IL10RB: variants seen among roughly 807,000 people sequenced by gnomAD.
The protein encoded by IL10RB is interleukin-10 receptor subunit beta.
In IL10RB, 30 loss-of-function variants were observed where a neutral mutation model predicts 38.7. The ratio of observed to expected loss-of-function variants is 0.78; its 90% CI spans 0.58 to 1.05. IL10RB has a LOEUF of 1.05. Ranked by LOEUF, IL10RB falls within the 50% of genes least tolerant of loss-of-function variation. IL10RB has a pLI of 0.00. For missense variants in IL10RB, 328 were observed against 397.1 expected (o/e 0.83, Z 1.48); for synonymous variants, 142 against 145.9 (o/e 0.97, Z 0.19).
intron 2 of IL10RB, among the ~76,000 whole-genome samples, chr21:33,273,172 G>A (rs970567377): frequency 6.6e-6 from 1 of 152,178 alleles, no homozygotes. Flanking sequence ...GCCCCAGGCT[G>A]TAAACCTGTA....
intron 1 of IL10RB, chr21:33,267,950 C>A: frequency 3.6e-6 from 1 of 281,570 alleles, no homozygotes; most frequent in African/African-American, 2.2e-5. Context: ...TCCAGCATCT[C>A]CAACCTAATG....
chr21:33,279,659 G>A (rs549243245), intron 3 of IL10RB, 93 bp from the exon 4 acceptor site: 26 of 1,060,998 alleles, frequency 2.5e-5, no homozygotes, highest in African/African-American at 1.2e-4. Context: ...GTGTACTTCC[G>A]TGGACTAATT....
intron 2 of IL10RB, among the ~76,000 whole-genome samples, chr21:33,269,954 G>A (rs1368148433): frequency 2.6e-5 from 4 of 151,998 alleles, no homozygotes; most frequent in African/African-American, 4.8e-5. Flanking sequence ...CACCACGCCC[G>A]GCCCAGGTTC....
chr21:33,275,983 T>C (rs1989162707), intron 2 of IL10RB, among the ~76,000 whole-genome samples: 1 of 152,224 alleles, frequency 6.6e-6, no homozygotes. Flanking sequence ...TTTTGAAATA[T>C]TGCGAGAATT....
intron 1 of IL10RB, among the ~76,000 whole-genome samples, chr21:33,303,318 G>A (rs1045806929): frequency 1.3e-5 from 2 of 150,124 alleles, no homozygotes; most frequent in Non-Finnish European, 3.0e-5. Context: ...TTCTGCCCCT[G>A]CAGTGAGTGA....
chr21:33,295,001 C>T (rs906974535), intron 6 of IL10RB, among the ~76,000 whole-genome samples: 2 of 152,200 alleles, frequency 1.3e-5, no homozygotes, highest in Non-Finnish European at 2.9e-5. Flanking sequence ...AGTGAGAAGG[C>T]AGCTCTGTCT....
intron 6 of IL10RB, among the ~76,000 whole-genome samples, chr21:33,291,028 C>T (rs991280122): frequency 5.9e-5 from 9 of 152,258 alleles, no homozygotes; most frequent in Admixed American, 3.3e-4. Context: ...GGGTTGCTGG[C>T]GATCTTTGGC....
At position 33,296,898 on chromosome 21, in the gene IL10RB, G is replaced by C. The variant is rs937385468; in HGVS notation, c.*541G>C. 4.9e-6 allele frequency: 1 copy of C among 204,788 alleles called. No individual in the cohort carries two copies. Among genetic ancestry groups the C allele is most frequent in the African/African-American group, 2.4e-5 (1 of 42,074 alleles). The allele number at this position is 204,788 out of a possible 1,614,324, so 12.7% of individuals were successfully genotyped here. On this transcript the variant is annotated 3_prime_UTR_variant, in exon 7 of 7. Coordinates refer to ENST00000290200, the MANE Select transcript of IL10RB (RefSeq NM_000628.5). Reference sequence around the variant, plus strand: ...GGGAGGAGGAGGAGGAGGTTGCAGTGAGCCGAGATAGCGGCACTGCACTCC... The same window carrying C: ...GGGAGGAGGAGGAGGAGGTTGCAGTCAGCCGAGATAGCGGCACTGCACTCC...
chr21:33,286,017 T>G (rs1270420256), intron 5 of IL10RB, among the ~76,000 whole-genome samples: 1 of 152,042 alleles, frequency 6.6e-6, no homozygotes, highest in Non-Finnish European at 1.5e-5. Context: ...TAAGGAGTGC[T>G]GAAACCCGCA....
At chr21:33,292,591 C>T (rs1443999491) in intron 6 of IL10RB, among the ~76,000 whole-genome samples, 3 of 152,168 alleles carry the variant, frequency 2.0e-5, no homozygotes, top group South Asian at 2.1e-4. Flanking sequence ...CATCACCTCG[C>T]GTCCCTCGTC....
chr21:33,296,004 A>T (rs1316107577), intron 6 of IL10RB, among the ~76,000 whole-genome samples, 180 bp from the exon 7 acceptor site: 1 of 152,196 alleles, frequency 6.6e-6, no homozygotes, highest in East Asian at 1.9e-4. Context: ...AGATCGTGCC[A>T]CTGCACTCCA....
intron 4 of IL10RB, among the ~76,000 whole-genome samples, chr21:33,280,646 A>G (rs1472924813): frequency 6.6e-6 from 1 of 152,144 alleles, no homozygotes; most frequent in East Asian, 1.9e-4. Context: ...GTCAAGGTTT[A>G]TTCTGACACC....
At chr21:33,283,281 G>A in intron 5 of IL10RB, 40 bp downstream of exon 5, 1 of 1,603,034 alleles carries the variant, frequency 6.2e-7, no homozygotes, top group Non-Finnish European at 8.5e-7. Flanking sequence ...ATCCTAAACA[G>A]CTTTATAGAC....
chr21:33,298,471 A>G (rs1200085152), downstream of IL10RB, among the ~76,000 whole-genome samples: 4 of 152,170 alleles, frequency 2.6e-5, 1 homozygote, highest in African/African-American at 7.2e-5. Flanking sequence ...AAAATTAGCC[A>G]GGCGTGGTGG....
At chr21:33,289,656 G>A (rs904786726) in intron 6 of IL10RB, among the ~76,000 whole-genome samples, 10 of 152,208 alleles carry the variant, frequency 6.6e-5, no homozygotes, top group Non-Finnish European at 8.8e-5. Context: ...GGTACCCACT[G>A]TGATACAGTG....
At chr21:33,285,761 G>A (rs1387018200) in intron 5 of IL10RB, among the ~76,000 whole-genome samples, 1 of 152,132 alleles carries the variant, frequency 6.6e-6, no homozygotes. Context: ...AAATATTAAT[G>A]GAAGGATGGA....
At chr21:33,280,383 G>A (rs775997205) in intron 4 of IL10RB, among the ~76,000 whole-genome samples, 3 of 152,094 alleles carry the variant, frequency 2.0e-5, no homozygotes, top group Non-Finnish European at 2.9e-5. Context: ...AATATCACCC[G>A]TGCCACCATG....
At chr21:33,294,513 C>G (rs1322869300) in intron 6 of IL10RB, among the ~76,000 whole-genome samples, 1 of 152,090 alleles carries the variant, frequency 6.6e-6, no homozygotes, top group Non-Finnish European at 1.5e-5. Flanking sequence ...AGCTTCCAGT[C>G]CATTCTCATT....
chr21:33,285,005 C>T (rs567962934), intron 5 of IL10RB, among the ~76,000 whole-genome samples: 8 of 152,312 alleles, frequency 5.3e-5, no homozygotes, highest in African/African-American at 1.9e-4. Context: ...ATTCTACTGC[C>T]TCAGCCTCCT....
Sources: allele counts gnomAD v4.1 joint callset (sites outside exome capture counted in the v4.1 genomes callset), GRCh38; gene constraint gnomAD v4.1.1; transcripts MANE v1.5; gene names NCBI Gene and HGNC (gene_info 2026-07-23, HGNC 2026-07-21).